The following PCDHGA9 variants were observed in gnomAD, a reference collection of about 807,000 sequenced individuals.
The protein encoded by PCDHGA9 is protocadherin gamma-A9.
In PCDHGA9, 37 loss-of-function variants were observed where a neutral mutation model predicts 62.5. The ratio of observed to expected loss-of-function variants is 0.59; its 90% CI spans 0.46 to 0.78. PCDHGA9 has a LOEUF of 0.78. PCDHGA9 is among the 30% of genes least tolerant of loss of function. The pLI, the probability that PCDHGA9 is intolerant of heterozygous loss-of-function variation, is 0.00. For missense variants in PCDHGA9, 1,138 were observed against 1,166.2 expected, an observed-to-expected ratio of 0.98 and a Z score of 0.35; for synonymous variants, 459 against 484.6, an observed-to-expected ratio of 0.95 and a Z score of 0.69.
intron 1 of PCDHGA9, among the ~76,000 whole-genome samples, chr5:141,436,350 C>T (rs1034303123): frequency 5.9e-5 from 9 of 152,126 alleles, no homozygotes; most frequent in Non-Finnish European, 1.3e-4. Flanking sequence ...TCAGTGACTT[C>T]AATCAACTAT....
chr5:141,476,783 G>C lies in PCDHGA9; in HGVS notation c.2425-18024G>C. ...GACGGCGTTGGACGGAGGGACCCCAGCTCTCTCCGCCAGCCTGCCTATTCA... is the reference window on the plus strand; with the variant it reads ...GACGGCGTTGGACGGAGGGACCCCACCTCTCTCCGCCAGCCTGCCTATTCA... On this transcript the variant is annotated intron_variant, in intron 1 of 3. Coordinates refer to ENST00000573521, the MANE Select transcript of PCDHGA9 (RefSeq NM_018921.3). This position sits in a 1 kb window ranked among gnomAD's most constrained non-coding sequence, Gnocchi z 7.6. The C allele has an allele frequency of 6.2e-7, 1 of 1,613,510 alleles. No homozygotes were observed. The highest frequency in any genetic ancestry group is 8.5e-7 in the Non-Finnish European group (1 of 1,180,030).
At chr5:141,434,364 A>G (rs1023051594) in intron 1 of PCDHGA9, among the ~76,000 whole-genome samples, 1 of 152,208 alleles carries the variant, frequency 6.6e-6, no homozygotes, top group Non-Finnish European at 1.5e-5. Context: ...AAATCTGGCC[A>G]TAAACTGGCC....
rs148995268 is a variant in PCDHGA9, at chr5:141,486,253, C to T, written c.2425-8554C>T. On this transcript the variant is annotated intron_variant, in intron 1 of 3. Coordinates refer to ENST00000573521, the MANE Select transcript of PCDHGA9 (RefSeq NM_018921.3). The surrounding 1 kb of genome is among the most constrained non-coding windows in gnomAD (Gnocchi z 5.0). The stretch of plus-strand genomic sequence containing the variant: ...TGACCTCAGAGCTTGGAACCCTCCC[C>T]GAGAGTGCAGAACCTGGCACTGTGG... 8 of 1,614,020 alleles carry T rather than the reference C, an allele frequency of 5.0e-6. No individual in the cohort carries two copies. The African/African-American group carries it at 8.0e-5, about 16-fold the overall frequency.
chr5:141,419,505 G>A lies in PCDHGA9; in HGVS notation c.2424+14129G>A, dbSNP rs115850576. The A allele has an allele frequency of 8.4e-4, 1,351 of 1,612,324 alleles. 13 individuals are homozygous for A. In the African/African-American group the frequency reaches 0.015, roughly 18 times the overall value. The stretch of plus-strand genomic sequence containing the variant: ...GCGCTCAGCGCCAATGTGAGCCTGC[G>A]CGTGTTGGTGGGCGACCGTAACGAC... On this transcript the variant is annotated intron_variant, in intron 1 of 3. Transcript: ENST00000573521.
In PCDHGA9 at chr5:141,487,258, G is replaced by T. The variant is rs368598017; in HGVS notation, c.2425-7549G>T. On this transcript the variant is annotated intron_variant, in intron 1 of 3. Transcript: ENST00000573521. The surrounding 1 kb of genome is among the most constrained non-coding windows in gnomAD (Gnocchi z 5.0). ...CTCGTCTAACCCTCTACTTGGCTGT[G>T]TCCCTAGTGGCAATTTGCTTTGTCT... 1.5e-4 allele frequency: 240 copies of T among 1,614,026 alleles called. 1 individual carries two copies. The highest frequency in any genetic ancestry group is 3.3e-5 in the Admixed American group (2 of 60,004).
At chr5:141,421,147 G>A in intron 1 of PCDHGA9, 1 of 1,019,036 alleles carries the variant, frequency 9.8e-7, no homozygotes, top group South Asian at 1.7e-5. Context: ...GGATGTAGTC[G>A]GCCTAGGACT....
Position 141,487,291 on chromosome 5 carries a change from C to T in PCDHGA9, c.2425-7516C>T, listed in dbSNP as rs748961925. The stretch of plus-strand genomic sequence containing the variant: ...TGGCAATTTGCTTTGTCTCCTTTGG[C>T]TCATTCGTGGCACTACTCTCTAAGT... On this transcript the variant is annotated intron_variant, in intron 1 of 3. Transcript: ENST00000573521. This position sits in a 1 kb window ranked among gnomAD's most constrained non-coding sequence, Gnocchi z 5.0. The T allele has an allele frequency of 1.9e-5, 30 of 1,614,036 alleles. No homozygotes were observed. Among genetic ancestry groups the T allele is most frequent in the Non-Finnish European group, 2.5e-5 (30 of 1,180,020 alleles).
chr5:141,409,566 C>G (rs750850161), intron 1 of PCDHGA9: 1 of 1,613,978 alleles, frequency 6.2e-7, no homozygotes, highest in South Asian at 1.1e-5. Flanking sequence ...TTCGACCAGA[C>G]GTCCTACGTG....
chr5:141,419,075 A>G, intron 1 of PCDHGA9: 1 of 1,613,968 alleles, frequency 6.2e-7, no homozygotes, highest in Non-Finnish European at 8.5e-7. Context: ...CAAGCTAGTA[A>G]CAGATGAGGC....
chr5:141,413,739 C>A (rs748041372), intron 1 of PCDHGA9: 1 of 1,613,424 alleles, frequency 6.2e-7, no homozygotes, highest in South Asian at 1.1e-5. Context: ...GAGTTCAGAG[C>A]CGTGCCAATG....
intron 1 of PCDHGA9, chr5:141,422,953 G>A: frequency 6.2e-7 from 1 of 1,614,232 alleles, no homozygotes; most frequent in Non-Finnish European, 8.5e-7. Context: ...CTCCACTGGC[G>A]TGGAGCTGGC....
chr5:141,413,737 A>AC, intron 1 of PCDHGA9: 1 of 1,613,410 alleles, frequency 6.2e-7, no homozygotes, highest in Non-Finnish European at 8.5e-7. Flanking sequence ...AAGAGTTCAG[A>AC]GCCGTGCCAA....
chr5:141,501,288 T>TATACACATAC (rs201660636), intron 2 of PCDHGA9, among the ~76,000 whole-genome samples: 2 of 81,228 alleles, frequency 2.5e-5, no homozygotes, highest in African/African-American at 9.9e-5. Flanking sequence ...GATATTCCCT[T>TATACACATAC]ATACACACAC....
intron 1 of PCDHGA9, among the ~76,000 whole-genome samples, chr5:141,455,902 TA>T (rs2098836291): frequency 6.7e-6 from 1 of 149,860 alleles, no homozygotes. Context: ...TTTATTTATT[TA>T]TTTATTTATT....
intron 1 of PCDHGA9, among the ~76,000 whole-genome samples, chr5:141,447,234 G>T (rs534523483): frequency 9.9e-4 from 150 of 152,170 alleles, no homozygotes; most frequent in Non-Finnish European, 1.8e-3. Flanking sequence ...CCGCCTCCCG[G>T]GTTCAAGTGA....
At chr5:141,426,788 T>C (rs2096960035) in intron 1 of PCDHGA9, 1 of 456,568 alleles carries the variant, frequency 2.2e-6, no homozygotes, top group African/African-American at 2.0e-5. Context: ...CTCTCCAGAG[T>C]TACCAGCTCA....
chr5:141,413,832 C>T, intron 1 of PCDHGA9: 1 of 1,613,228 alleles, frequency 6.2e-7, no homozygotes. Context: ...TCACCGCCTC[C>T]GACGGGGGTG....
intron 1 of PCDHGA9, among the ~76,000 whole-genome samples, chr5:141,464,151 G>A (rs2099076865): frequency 6.6e-6 from 1 of 151,818 alleles, no homozygotes; most frequent in Non-Finnish European, 1.5e-5. Flanking sequence ...TGTAGTCCCA[G>A]CTACTTGGAA....
Position 141,432,623 on chromosome 5 carries a change from C to T in PCDHGA9, c.2424+27247C>T, listed in dbSNP as rs1047752183. Reference sequence around the variant, plus strand: ...GCCGGGACTCTTCTCGGTGGGTCTGCACACGGGCGAGGTGCGCACGGCGCG... The same window carrying T: ...GCCGGGACTCTTCTCGGTGGGTCTGTACACGGGCGAGGTGCGCACGGCGCG... On this transcript the variant is annotated intron_variant, in intron 1 of 3. Coordinates refer to ENST00000573521, the MANE Select transcript of PCDHGA9 (RefSeq NM_018921.3). The surrounding 1 kb of genome is among the most constrained non-coding windows in gnomAD (Gnocchi z 6.0). The T allele has an allele frequency of 1.2e-6, 2 of 1,613,196 alleles. No homozygotes were observed. The highest frequency in any genetic ancestry group is 2.2e-5 in the East Asian group (1 of 44,792).
Sources: gnomAD v4.1 joint callset for allele counts (sites outside exome capture counted in the v4.1 genomes callset) on GRCh38, gnomAD v4.1.1 for gene constraint, Gnocchi (gnomAD v3.1) non-coding constraint, MANE v1.5 for transcripts, NCBI Gene and HGNC (gene_info 2026-07-23, HGNC 2026-07-21) for gene names.